Variants in C7 observed in about 807,000 individuals in gnomAD.
The protein encoded by C7 is complement C7, also known as complement component C7.
In C7, 83 loss-of-function variants were observed where a neutral mutation model predicts 104.8. The ratio of observed to expected loss-of-function variants is 0.79; its 90% confidence interval spans 0.66 to 0.95. C7 has a LOEUF of 0.95. Among genes scored for constraint, C7 ranks in the 40% least tolerant of loss-of-function variants. C7 has a pLI of 0.00. For missense variants in C7, 1,070 were observed against 1,011.2 expected (o/e 1.06, Z -0.79); for synonymous variants, 415 against 360.6 (o/e 1.15, Z -1.71).
rs779929621 is a variant in C7, at chr5:40,962,068, A to G, written c.1662-17A>G. 7.7e-6 allele frequency: 11 copies of G among 1,429,442 alleles called. No homozygotes were observed. Among genetic ancestry groups the G allele is most frequent in the Non-Finnish European group, 8.5e-6 (9 of 1,058,416 alleles). The allele number at this position is 1,429,442 out of a possible 1,614,324, so 88.5% of individuals were successfully genotyped here. On this transcript the variant is annotated splice_polypyrimidine_tract_variant and intron_variant, in intron 12 of 17. Transcript: ENST00000313164. ...TGTGCAAATCAATCACATTAATTAC[A>G]TTTTTTTTCCTTCCAGGTTGCTTGA... is the stretch of plus-strand genomic sequence containing the variant.
Position 40,964,576 on chromosome 5 carries a change from GTTACTA to G in C7, c.1750-164_1750-159del. 7.0e-5 allele frequency: 39 copies of G among 554,458 alleles called. 3 individuals are homozygous for G. The highest frequency in any genetic ancestry group is 1.1e-4 in the Non-Finnish European group (33 of 306,598). 34.3% of individuals were successfully genotyped at this position (554,458 alleles called of 1,614,324 possible). A position where few individuals can be genotyped will look rare whatever the true frequency, so the allele number is the denominator to read the frequency against. ...TATTTCAATTAATGGTGGTGCTAGT[GTTACTA>G]ACTATATAGGGGAAAATGTTTTTAT... On this transcript the variant is annotated intron_variant, in intron 13 of 17. Coordinates refer to ENST00000313164, the MANE Select transcript of C7 (RefSeq NM_000587.4).
intron 1 of C7, among the ~76,000 whole-genome samples, chr5:40,924,234 T>C (rs1739503364): frequency 1.3e-5 from 2 of 152,192 alleles, no homozygotes; most frequent in Non-Finnish European, 2.9e-5. Flanking sequence ...ACAGGCCCCA[T>C]GGAAGTCTGA....
intron 1 of C7, among the ~76,000 whole-genome samples, chr5:40,913,921 T>G (rs1436386603): frequency 6.6e-6 from 1 of 152,124 alleles, no homozygotes; most frequent in Non-Finnish European, 1.5e-5. Flanking sequence ...CCTCATGATT[T>G]GCCCGCCTCA....
chr5:40,942,989 C>G (rs969451604), intron 6 of C7, among the ~76,000 whole-genome samples: 1 of 152,152 alleles, frequency 6.6e-6, no homozygotes, highest in Non-Finnish European at 1.5e-5. Flanking sequence ...GTCTCCATCT[C>G]CTGACCTTGT....
At chr5:40,917,723 T>G (rs1456165338) in intron 1 of C7, among the ~76,000 whole-genome samples, 3 of 152,226 alleles carry the variant, frequency 2.0e-5, no homozygotes, top group Admixed American at 2.0e-4. Flanking sequence ...AAATAGAAAC[T>G]TAAAAAGATA....
chr5:40,928,111 C>T (rs910598349), intron 1 of C7, among the ~76,000 whole-genome samples: 1 of 152,046 alleles, frequency 6.6e-6, no homozygotes, highest in Non-Finnish European at 1.5e-5. Flanking sequence ...TTTATGACAA[C>T]ATAGATGGAA....
intron 1 of C7, among the ~76,000 whole-genome samples, chr5:40,926,065 C>A (rs556466084): frequency 2.6e-5 from 4 of 152,126 alleles, no homozygotes; most frequent in Non-Finnish European, 5.9e-5. Flanking sequence ...TCATCTACCA[C>A]GATCAAATGG....
intron 1 of C7, among the ~76,000 whole-genome samples, chr5:40,920,670 G>T (rs1739419989): frequency 6.6e-6 from 1 of 152,086 alleles, no homozygotes; most frequent in Non-Finnish European, 1.5e-5. Context: ...TAGCAATTAG[G>T]CAAGACAACA....
chr5:40,928,545 A>G, intron 1 of C7, 35 bp from the exon 2 acceptor site: 1 of 1,215,412 alleles, frequency 8.2e-7, no homozygotes, highest in Non-Finnish European at 1.2e-6. Flanking sequence ...AAGAAATGCA[A>G]GCTAAAATAA....
Position 40,909,572 on chromosome 5 carries a change from ATCTTCCTCCTC to A in C7, c.-33_-23del. On this transcript the variant is annotated 5_prime_UTR_variant, in exon 1 of 18. Coordinates refer to ENST00000313164, the MANE Select transcript of C7 (RefSeq NM_000587.4). Reference sequence around the variant, plus strand: ...AACTTACCCGGCCCTTACAGAGGAAATCTTCCTCCTCTCTTCTGCCCTGAATGTTTTCCCAA... The same window carrying A: ...AACTTACCCGGCCCTTACAGAGGAAATCTTCTGCCCTGAATGTTTTCCCAA... 1 of 1,550,662 alleles carries A rather than the reference ATCTTCCTCCTC, an allele frequency of 6.4e-7. No homozygotes were observed. Among genetic ancestry groups the A allele is most frequent in the Non-Finnish European group, 8.8e-7 (1 of 1,134,484 alleles).
rs7732104 is a variant in C7, at chr5:40,983,334, G to A, written c.*1761G>A. On this transcript the variant is annotated 3_prime_UTR_variant, in exon 18 of 18. Transcript: ENST00000313164. ...GCTAGTATGGAGTTAGATTCCTACC[G>A]CTTATGTATCACCATGCCCCCTTCC... Among the ~76,000 whole-genome samples the A allele has an allele frequency of 0.19, 28,761 of 151,976 alleles. 2,971 individuals are homozygous for A. Among genetic ancestry groups the A allele is most frequent in the African/African-American group, 0.28 (11,650 of 41,442 alleles).
intron 12 of C7, among the ~76,000 whole-genome samples, chr5:40,959,848 C>T (rs1740388001): frequency 6.6e-6 from 1 of 152,162 alleles, no homozygotes; most frequent in African/African-American, 2.4e-5. Flanking sequence ...AGTAGTCCTG[C>T]TGAGTGGATA....
Position 40,962,180 on chromosome 5 carries a change from A to T in C7, c.1749+8A>T, listed in dbSNP as rs776883318. 5 of 1,501,922 alleles carry T rather than the reference A, an allele frequency of 3.3e-6. No individual in the cohort carries two copies. Among genetic ancestry groups the T allele is most frequent in the Non-Finnish European group, 3.6e-6 (4 of 1,102,650 alleles). 93.0% of individuals were successfully genotyped at this position (1,501,922 alleles called of 1,614,324 possible). On this transcript the variant is annotated splice_region_variant and intron_variant, in intron 13 of 17. Coordinates refer to ENST00000313164, the MANE Select transcript of C7 (RefSeq NM_000587.4). ...AAAGATGGATTTGTTCAAGTTGGTTATGAAAGATATTTTTTTCCTTTATAA... is the reference window on the plus strand; with the variant it reads ...AAAGATGGATTTGTTCAAGTTGGTTTTGAAAGATATTTTTTTCCTTTATAA...
intron 8 of C7, 33 bp downstream of exon 8, chr5:40,947,878 A>G (rs1178601460): frequency 1.9e-6 from 3 of 1,593,152 alleles, no homozygotes; most frequent in Non-Finnish European, 1.7e-6. Flanking sequence ...GTCTAAAGGC[A>G]TTTCTGGGAT....
chr5:40,924,349 C>A (rs564723357), intron 1 of C7, among the ~76,000 whole-genome samples: 4 of 152,328 alleles, frequency 2.6e-5, no homozygotes, highest in Non-Finnish European at 4.4e-5. Flanking sequence ...CTCCACTCCA[C>A]CTCTTGGGCA....
rs370447039 is a variant in C7 at position 40,934,473 on chromosome 5, T to C, written c.280+7T>C. 15 of 1,613,322 alleles carry C rather than the reference T, an allele frequency of 9.3e-6. No individual in the cohort carries two copies. The African/African-American group carries it at 1.9e-4, about 20-fold the overall frequency. Reference sequence around the variant, plus strand: ...CGTTTCAGGTGCTTTTCAGGTAACTTGTTTTCCATAGGCTCAGCATGCAGA... The same window carrying C: ...CGTTTCAGGTGCTTTTCAGGTAACTCGTTTTCCATAGGCTCAGCATGCAGA... On this transcript the variant is annotated splice_region_variant and intron_variant, in intron 4 of 17. Transcript: ENST00000313164.
chr5:40,923,158 G>A (rs375607743), intron 1 of C7, among the ~76,000 whole-genome samples: 3 of 152,106 alleles, frequency 2.0e-5, no homozygotes, highest in East Asian at 1.9e-4. Flanking sequence ...TTAACAATGG[G>A]CAAATGCTCT....
intron 12 of C7, among the ~76,000 whole-genome samples, chr5:40,961,144 G>A (rs1351200925): frequency 1.3e-5 from 2 of 152,178 alleles, no homozygotes; most frequent in Non-Finnish European, 2.9e-5. Context: ...CACAATTGTA[G>A]GAGCCTAATT....
At chr5:40,935,249 G>C (rs1391824506) in intron 4 of C7, among the ~76,000 whole-genome samples, 2 of 152,122 alleles carry the variant, frequency 1.3e-5, no homozygotes, top group Non-Finnish European at 2.9e-5. Context: ...TATGCATATT[G>C]TACCATCTGT....
Sources: gnomAD v4.1 joint callset for allele counts (sites outside exome capture counted in the v4.1 genomes callset) on GRCh38, gnomAD v4.1.1 for gene constraint, MANE v1.5 for transcripts, NCBI Gene and HGNC (gene_info 2026-07-23, HGNC 2026-07-21) for gene names.